The following DCDC1 variants were observed in gnomAD, a reference collection of about 807,000 sequenced individuals.
DCDC1 encodes doublecortin domain containing 1.
A neutral mutation model predicts 178.3 loss-of-function variants in DCDC1; 200 were observed. The observed-to-expected ratio is 1.12, with a 90% CI of 1.00 to 1.26. The LOEUF is 1.26. Ranked by LOEUF, DCDC1 falls within the 50% of genes most tolerant of loss-of-function variation. The probability of loss-of-function intolerance (pLI) is 0.00; values close to 1 mark genes in which losing one functional copy is unlikely to be tolerated. For missense variants in DCDC1, 1,983 were observed against 1,749.2 expected, an observed-to-expected ratio of 1.13 and a Z score of -2.38; for synonymous variants, 690 against 604.8, an observed-to-expected ratio of 1.14 and a Z score of -2.07.
At chr11:31,055,372 C>T (rs1293720156) in intron 20 of DCDC1, among the ~76,000 whole-genome samples, 1 of 152,180 alleles carries the variant, frequency 6.6e-6, no homozygotes. Context: ...AACACTTCTA[C>T]ACTGCTGGTG....
intron 7 of DCDC1, among the ~76,000 whole-genome samples, chr11:31,287,250 C>G (rs908253805): frequency 2.0e-5 from 3 of 151,174 alleles, no homozygotes; most frequent in African/African-American, 7.3e-5. Flanking sequence ...CAAAAAAAAA[C>G]AAGTACTCAG....
intron 15 of DCDC1, among the ~76,000 whole-genome samples, chr11:31,100,142 C>T (rs1958413154): frequency 6.6e-6 from 1 of 152,066 alleles, no homozygotes; most frequent in Admixed American, 6.6e-5. Context: ...AAGAGGTCCA[C>T]ATGGGCATAA....
At chr11:30,907,839 A>T (rs1319917685) in intron 29 of DCDC1, among the ~76,000 whole-genome samples, 2 of 152,188 alleles carry the variant, frequency 1.3e-5, no homozygotes, top group Non-Finnish European at 2.9e-5. Context: ...TTTTTATTTA[A>T]GCCACTAAAT....
At chr11:31,183,329 T>C (rs924573535) in intron 9 of DCDC1, among the ~76,000 whole-genome samples, 1 of 152,176 alleles carries the variant, frequency 6.6e-6, no homozygotes, top group African/African-American at 2.4e-5. Flanking sequence ...TATTCTAAAA[T>C]TGACCACATA....
intron 17 of DCDC1, among the ~76,000 whole-genome samples, chr11:31,083,011 TA>T (rs1168103790): frequency 1.3e-5 from 2 of 152,244 alleles, no homozygotes; most frequent in East Asian, 3.8e-4. Flanking sequence ...TGGTGTAACC[TA>T]TATGTGTTAA....
At chr11:31,171,736 A>T (rs1967268724) in intron 9 of DCDC1, among the ~76,000 whole-genome samples, 1 of 152,252 alleles carries the variant, frequency 6.6e-6, no homozygotes, top group Non-Finnish European at 1.5e-5. Context: ...ATTTTACAAC[A>T]TCTGGAATGC....
intron 34 of DCDC1, among the ~76,000 whole-genome samples, chr11:30,898,832 G>A (rs1368448581): frequency 6.6e-6 from 1 of 152,168 alleles, no homozygotes; most frequent in Non-Finnish European, 1.5e-5. Flanking sequence ...AGCATCAGGA[G>A]TTGAAATTCT....
At chr11:31,001,640 C>A (rs1050629347) in intron 20 of DCDC1, among the ~76,000 whole-genome samples, 1 of 152,168 alleles carries the variant, frequency 6.6e-6, no homozygotes, top group Non-Finnish European at 1.5e-5. Flanking sequence ...AGAAAACAGA[C>A]AAACCACTCT....
intron 1 of DCDC1, among the ~76,000 whole-genome samples, chr11:31,342,629 T>C (rs1002742375): frequency 6.6e-6 from 1 of 152,200 alleles, no homozygotes; most frequent in African/African-American, 2.4e-5. Flanking sequence ...GGCTCTCTTC[T>C]AAAGCATCTT....
At chr11:31,025,114 T>C (rs1201089322) in intron 20 of DCDC1, among the ~76,000 whole-genome samples, 3 of 151,860 alleles carry the variant, frequency 2.0e-5, no homozygotes, top group South Asian at 2.1e-4. Context: ...ATTAACATGA[T>C]TGGTATCTTA....
intron 9 of DCDC1, among the ~76,000 whole-genome samples, chr11:31,188,964 C>T (rs1336338380): frequency 2.6e-5 from 4 of 152,180 alleles, no homozygotes; most frequent in Non-Finnish European, 4.4e-5. Context: ...GACCTAAAGC[C>T]GCTTGTTCAT....
rs56888014 is a variant in DCDC1, at chr11:31,153,859, G to GCACA, written c.1222-16079_1222-16076dup. On this transcript the variant is annotated intron_variant, in intron 9 of 38. Transcript: ENST00000684477. ...TGCTGTATCATTCACACAGTGTCAT[G>GCACA]CACACACACACACACACACACACTC... 5.3e-3 allele frequency among the ~76,000 whole-genome samples: 727 copies of GCACA among 137,990 alleles called. 5 individuals carry two copies. The highest frequency in any genetic ancestry group is 0.018 in the African/African-American group (677 of 37,940). 90.5% of individuals were successfully genotyped at this position (137,990 alleles called of 152,430 possible).
chr11:31,354,715 T>C, intron 1 of DCDC1, among the ~76,000 whole-genome samples: 1 of 152,102 alleles, frequency 6.6e-6, no homozygotes, highest in East Asian at 1.9e-4. Flanking sequence ...GAAAAATGAT[T>C]TAGGAAGAAA....
At chr11:31,285,516 G>A (rs2137330662) in intron 7 of DCDC1, among the ~76,000 whole-genome samples, 1 of 152,146 alleles carries the variant, frequency 6.6e-6, no homozygotes, top group East Asian at 1.9e-4. Flanking sequence ...TGCTGCCATA[G>A]TTACTAATTT....
At chr11:30,971,336 G>A (rs1026892420) in intron 20 of DCDC1, among the ~76,000 whole-genome samples, 7 of 152,048 alleles carry the variant, frequency 4.6e-5, no homozygotes, top group African/African-American at 1.7e-4. Context: ...AATAAATTAT[G>A]AAATGCCAGA....
In DCDC1 at chr11:30,894,247, C is replaced by G. The variant is rs369095921; in HGVS notation, c.4902+1G>C. 9 of 1,611,590 alleles carry G rather than the reference C, an allele frequency of 5.6e-6. No homozygotes were observed. The African/African-American group carries it at 1.1e-4, about 19-fold the overall frequency. ...AATGTCCAGAATCCCAAAGAACATA[C>G]CTCTGTATGTCTTATAAGTTCCATG... On this transcript the variant is annotated splice_donor_variant, in intron 35 of 38. Coordinates refer to ENST00000684477, the MANE Select transcript of DCDC1 (RefSeq NM_001387274.1). LOFTEE classifies it high-confidence loss of function.
At chr11:31,283,473 C>A (rs538175605) in intron 7 of DCDC1, among the ~76,000 whole-genome samples, 2 of 151,528 alleles carry the variant, frequency 1.3e-5, no homozygotes, top group Admixed American at 6.6e-5. Flanking sequence ...GCATTATATT[C>A]ATGTTTTTTT....
At position 31,360,614 on chromosome 11, in the gene DCDC1, AT is replaced by A. The variant is rs377601993; in HGVS notation, c.-125+9082del. Among the ~76,000 whole-genome samples the A allele has an allele frequency of 2.0e-4, 30 of 152,272 alleles. 1 individual carries two copies. In the East Asian group the frequency reaches 5.6e-3, roughly 28 times the overall value. ...TCTGTTCTCTGTCTCAAAATATCTC[AT>A]TTTACAATACTTACCTATTTTCAAA... is the stretch of plus-strand genomic sequence containing the variant. On this transcript the variant is annotated intron_variant, in intron 1 of 38. Transcript: ENST00000684477.
chr11:30,899,534 T>C lies in DCDC1; in HGVS notation c.4765+7A>G, dbSNP rs1168672181. 1 of 1,534,418 alleles carries C rather than the reference T, an allele frequency of 6.5e-7. No homozygotes were observed. Among genetic ancestry groups the C allele is most frequent in the Non-Finnish European group, 8.8e-7 (1 of 1,141,232 alleles). On this transcript the variant is annotated splice_region_variant and intron_variant, in intron 34 of 38. Coordinates refer to ENST00000684477, the MANE Select transcript of DCDC1 (RefSeq NM_001387274.1). ...ATATGGTTATGCTTGATATAGTTCA[T>C]ACTGACCTTTTAACTGTCTCATTTT...
Sources: gnomAD v4.1 joint callset for allele counts (sites outside exome capture counted in the v4.1 genomes callset) on GRCh38, gnomAD v4.1.1 for gene constraint, MANE v1.5 for transcripts, NCBI Gene and HGNC (gene_info 2026-07-23, HGNC 2026-07-21) for gene names.